TMTC2: variants seen among roughly 807,000 people sequenced by gnomAD.
TMTC2 encodes protein O-mannosyl-transferase TMTC2.
Under a neutral mutation model 82.4 loss-of-function variants are expected in TMTC2, and 43 were observed. That is an observed-to-expected ratio of 0.52 (90% CI 0.41 to 0.67). The LOEUF (loss-of-function observed/expected upper bound fraction) is 0.67, where lower values mean the gene tolerates loss of function less well. Ranked by LOEUF, TMTC2 falls within the 30% of genes least tolerant of loss-of-function variation. The pLI, the probability that TMTC2 is intolerant of heterozygous loss-of-function variation, is 0.00. For missense variants in TMTC2, 919 were observed against 1,012.4 expected, an observed-to-expected ratio of 0.91 and a Z score of 1.25; for synonymous variants, 408 against 381.9, an observed-to-expected ratio of 1.07 and a Z score of -0.80.
At chr12:82,841,145 T>A (rs1220652660) in intron 1 of TMTC2, among the ~76,000 whole-genome samples, 1 of 152,182 alleles carries the variant, frequency 6.6e-6, no homozygotes, top group Non-Finnish European at 1.5e-5. Flanking sequence ...AACTGAGATC[T>A]GAAAAAGCTG....
intron 3 of TMTC2, among the ~76,000 whole-genome samples, chr12:82,910,234 C>T (rs926787608): frequency 1.3e-5 from 2 of 152,108 alleles, no homozygotes; most frequent in Non-Finnish European, 2.9e-5. Context: ...AAGTGTGAGC[C>T]GTATTTTAAT....
At chr12:83,021,489 G>T (rs770070983) in intron 8 of TMTC2, among the ~76,000 whole-genome samples, 6 of 152,102 alleles carry the variant, frequency 3.9e-5, no homozygotes, top group African/African-American at 7.2e-5. Flanking sequence ...AAGCGACTTG[G>T]GAAGCTGAGT....
intron 9 of TMTC2, among the ~76,000 whole-genome samples, chr12:83,044,830 A>T (rs1161129069): frequency 6.6e-6 from 1 of 152,202 alleles, no homozygotes; most frequent in Non-Finnish European, 1.5e-5. Flanking sequence ...AGTTGCATTG[A>T]TCCTGAGTGA....
chr12:83,075,965 G>T (rs1185377518), intron 11 of TMTC2, among the ~76,000 whole-genome samples: 1 of 152,174 alleles, frequency 6.6e-6, no homozygotes, highest in Non-Finnish European at 1.5e-5. Context: ...ATGTATTTCT[G>T]AAGTGTTTAC....
chr12:83,051,782 T>C (rs1159672674), intron 10 of TMTC2, among the ~76,000 whole-genome samples: 2 of 152,116 alleles, frequency 1.3e-5, no homozygotes, highest in African/African-American at 4.8e-5. Flanking sequence ...TTAATTCTTC[T>C]GTTTTCAGAA....
rs1420538942 is a variant in TMTC2 at position 82,727,473 on chromosome 12, C to T, written c.83+39804C>T. ...AATTTTCTGTTTTTTTAAGGCTGGG[C>T]GTGGTGGCTCACGGTGGAGGGTGGA... On this transcript the variant is annotated intron_variant, in intron 1 of 11. Coordinates refer to ENST00000321196, the MANE Select transcript of TMTC2 (RefSeq NM_152588.3). Among the ~76,000 whole-genome samples the T allele has an allele frequency of 2.6e-5, 4 of 151,776 alleles. No individual in the cohort carries two copies. The East Asian group carries it at 7.7e-4, about 29-fold the overall frequency.
chr12:82,742,613 G>A (rs140385968), intron 1 of TMTC2, among the ~76,000 whole-genome samples: 2,557 of 151,742 alleles, frequency 0.017, 64 homozygotes, highest in African/African-American at 0.059. Context: ...TCCGCCTCTC[G>A]GGTTCAAGTG....
chr12:82,730,288 C>A (rs920451465), intron 1 of TMTC2, among the ~76,000 whole-genome samples: 2 of 101,886 alleles, frequency 2.0e-5, no homozygotes, highest in African/African-American at 3.9e-5. Flanking sequence ...GAGCAAAACT[C>A]TGTCTCTCAA....
chr12:83,028,594 A>G (rs1881279559), intron 8 of TMTC2, among the ~76,000 whole-genome samples: 1 of 151,942 alleles, frequency 6.6e-6, no homozygotes, highest in Non-Finnish European at 1.5e-5. Flanking sequence ...AAATAGTCGC[A>G]TTGCTCTAAA....
Position 82,890,543 on chromosome 12 carries a change from T to A in TMTC2, c.655-5275T>A, listed in dbSNP as rs138208918. The stretch of plus-strand genomic sequence containing the variant: ...GTGAAACAAGAGTCCAACAACATTT[T>A]TAATATCAGTACTAAGAATTAGAGT... On this transcript the variant is annotated intron_variant, in intron 2 of 11. Transcript: ENST00000321196. Among the ~76,000 whole-genome samples, 678 of 152,330 alleles carry A rather than the reference T, an allele frequency of 4.5e-3. 9 individuals are homozygous for A. Among genetic ancestry groups the A allele is most frequent in the African/African-American group, 0.016 (652 of 41,576 alleles).
intron 3 of TMTC2, among the ~76,000 whole-genome samples, chr12:82,912,308 C>T (rs144505955): frequency 6.6e-6 from 1 of 152,220 alleles, no homozygotes; most frequent in East Asian, 1.9e-4. Flanking sequence ...CTTAAGATGC[C>T]TGGAATAGCA....
rs146289760 is a variant in TMTC2, at chr12:83,088,494, A to G, written c.2331+26663A>G. ...TTTCCAGCTTTTCTTTTATAACGAG[A>G]GATGTGCAACTCTTCTTTTTACTTG... is the stretch of plus-strand genomic sequence containing the variant. On this transcript the variant is annotated intron_variant, in intron 11 of 11. Transcript: ENST00000321196. Among the ~76,000 whole-genome samples, 12 of 152,254 alleles carry G rather than the reference A, an allele frequency of 7.9e-5. No homozygotes were observed. In the East Asian group the frequency reaches 2.3e-3, roughly 29 times the overall value.
At chr12:82,813,038 A>G (rs1006623888) in intron 1 of TMTC2, among the ~76,000 whole-genome samples, 23 of 152,054 alleles carry the variant, frequency 1.5e-4, no homozygotes, top group African/African-American at 4.6e-4. Flanking sequence ...TACTTTACAT[A>G]TGTATATATG....
chr12:82,707,112 C>A (rs1035637893), intron 1 of TMTC2, among the ~76,000 whole-genome samples: 1 of 152,146 alleles, frequency 6.6e-6, no homozygotes, highest in Non-Finnish European at 1.5e-5. Flanking sequence ...AGCTTATAAA[C>A]AACAGGAATT....
intron 11 of TMTC2, among the ~76,000 whole-genome samples, chr12:83,131,095 C>A (rs1369187232): frequency 2.6e-5 from 4 of 152,192 alleles, no homozygotes; most frequent in Non-Finnish European, 4.4e-5. Flanking sequence ...TGATTTCGGA[C>A]TTTAACACAG....
chr12:82,876,094 A>G (rs1321014959), intron 2 of TMTC2, among the ~76,000 whole-genome samples: 9 of 117,208 alleles, frequency 7.7e-5, no homozygotes, highest in African/African-American at 1.2e-4. Flanking sequence ...ATTAGTATTC[A>G]TAATGGTGGT....
intron 1 of TMTC2, among the ~76,000 whole-genome samples, chr12:82,842,758 C>T (rs1008560748): frequency 6.6e-6 from 1 of 152,184 alleles, no homozygotes; most frequent in Non-Finnish European, 1.5e-5. Flanking sequence ...CAGATGGCCA[C>T]ATTCTTGCTG....
chr12:82,735,591 C>T (rs1212182109), intron 1 of TMTC2, among the ~76,000 whole-genome samples: 8 of 151,844 alleles, frequency 5.3e-5, no homozygotes, highest in African/African-American at 9.7e-5. Context: ...GTGATCCGCC[C>T]TCCTTGGCCT....
intron 1 of TMTC2, among the ~76,000 whole-genome samples, chr12:82,709,204 C>G (rs1407228741): frequency 6.6e-6 from 1 of 151,930 alleles, no homozygotes; most frequent in Non-Finnish European, 1.5e-5. Flanking sequence ...TGTGGTTGTC[C>G]TCAGGTAGGA....
Sources: allele counts gnomAD v4.1 joint callset (sites outside exome capture counted in the v4.1 genomes callset), GRCh38; gene constraint gnomAD v4.1.1; transcripts MANE v1.5; gene names NCBI Gene and HGNC (gene_info 2026-07-23, HGNC 2026-07-21).